Variants in PREX1 observed in about 807,000 individuals in gnomAD.
The protein encoded by PREX1 is phosphatidylinositol-3,4,5-trisphosphate dependent Rac exchange factor 1.
Under a neutral mutation model 198.3 loss-of-function variants are expected in PREX1, and 41 were observed. That is an observed-to-expected ratio of 0.21 (90% confidence interval 0.16 to 0.27). PREX1 has a LOEUF of 0.27. PREX1 is among the 10% of genes least tolerant of loss of function. The probability of loss-of-function intolerance (pLI) is 1.00; values close to 1 mark genes in which losing one functional copy is unlikely to be tolerated. For synonymous variants in PREX1, 843 were observed against 887.2 expected (o/e 0.95, Z 0.89); for missense variants, 1,620 against 2,200.7 (o/e 0.74, Z 5.28).
intron 1 of PREX1, among the ~76,000 whole-genome samples, chr20:48,786,669 C>T (rs1160166356): frequency 2.6e-5 from 4 of 151,110 alleles, no homozygotes; most frequent in South Asian, 2.1e-4. Context: ...CGCTTGAACC[C>T]GGGAGGCAGA....
At chr20:48,689,765 T>C (rs2089807188) in intron 9 of PREX1, among the ~76,000 whole-genome samples, 1 of 152,176 alleles carries the variant, frequency 6.6e-6, no homozygotes. Flanking sequence ...TTAATAAATG[T>C]TGGTGCAACG....
At position 48,640,376 on chromosome 20, in the gene PREX1, C is replaced by T. The variant is rs1241709351; in HGVS notation, c.3776-482G>A. 3.3e-5 allele frequency among the ~76,000 whole-genome samples: 5 copies of T among 152,330 alleles called. No homozygotes were observed. The East Asian group carries it at 9.6e-4, about 29-fold the overall frequency. The stretch of plus-strand genomic sequence containing the variant: ...CAACTGGGCAGTGACAGCGCTGGGA[C>T]TTACCTCTGGCCCCACCATTCAGAG... On this transcript the variant is annotated intron_variant, in intron 29 of 39. Coordinates refer to ENST00000371941, the MANE Select transcript of PREX1 (RefSeq NM_020820.4).
chr20:48,819,875 A>G (rs1187668212), intron 1 of PREX1, among the ~76,000 whole-genome samples: 1 of 152,192 alleles, frequency 6.6e-6, no homozygotes, highest in Admixed American at 6.5e-5. Context: ...TAGTGGATGA[A>G]AGCATCAACT....
chr20:48,642,402 C>A lies in PREX1; in HGVS notation c.3684+5G>T, dbSNP rs750970031. 1.2e-6 allele frequency: 2 copies of A among 1,612,654 alleles called. No individual in the cohort carries two copies. The highest frequency in any genetic ancestry group is 1.7e-6 in the Non-Finnish European group (2 of 1,178,996). On this transcript the variant is annotated splice_donor_5th_base_variant and intron_variant, in intron 28 of 39. Transcript: ENST00000371941. Reference sequence around the variant, plus strand: ...GTTGCGCCAGGAGTGGGGCAAAGGTCCTACCTGGTTAAAGAGGTGCTCCAG... The same window carrying A: ...GTTGCGCCAGGAGTGGGGCAAAGGTACTACCTGGTTAAAGAGGTGCTCCAG...
intron 3 of PREX1, among the ~76,000 whole-genome samples, chr20:48,737,909 C>A (rs915867651): frequency 6.6e-6 from 1 of 152,182 alleles, no homozygotes; most frequent in Non-Finnish European, 1.5e-5. Flanking sequence ...TGCCTGAAGC[C>A]AACCTACACT....
chr20:48,652,654 G>T lies in PREX1; in HGVS notation c.2399C>A (p.Ala800Asp). The T allele has an allele frequency of 6.2e-7, 1 of 1,613,662 alleles. No individual in the cohort carries two copies. The highest frequency in any genetic ancestry group is 1.1e-5 in the South Asian group (1 of 91,024). ...GTCCTCAGTGGAGGCCTCCTGACTG[G>T]CTCGTGCTTCCTGGGCATCCTCATG... The part of the protein sequence containing the change: ...HTHEDAQEAR[A>D]SQEASTEDPS... The change falls in exon 21 of 40, where the codon GCC (alanine) becomes GAC (aspartate). Residue 800 changes from alanine (A) to aspartate (D), a missense_variant. Coordinates refer to ENST00000371941, the MANE Select transcript of PREX1 (RefSeq NM_020820.4).
chr20:48,884,493 A>G, the PREX1 span, among the ~76,000 whole-genome samples: 187 of 152,378 alleles, frequency 1.2e-3, 1 homozygote, highest in African/African-American at 4.3e-3. Context: ...CCTTCATCAC[A>G]TCATATGCAA....
At chr20:48,806,485 T>C (rs557672278) in intron 1 of PREX1, among the ~76,000 whole-genome samples, 1 of 152,330 alleles carries the variant, frequency 6.6e-6, no homozygotes, top group African/African-American at 2.4e-5. Context: ...GCTAACATAA[T>C]TAAGCATTTA....
At chr20:48,835,446 C>T in the PREX1 span, among the ~76,000 whole-genome samples, 13 of 152,196 alleles carry the variant, frequency 8.5e-5, no homozygotes, top group African/African-American at 2.9e-4. Flanking sequence ...GTAAGAGTTA[C>T]GGAGAAAAAC....
rs2089481664 is a variant in PREX1 at position 48,650,120 on chromosome 20, G to A, written c.2904C>T (p.Cys968=). The A allele has an allele frequency of 6.2e-7, 1 of 1,614,046 alleles. No individual in the cohort carries two copies. The highest frequency in any genetic ancestry group is 1.3e-5 in the African/African-American group (1 of 75,064). Residue 968 remains cysteine (C), a synonymous_variant, in exon 24 of 40, where the codon TGC becomes TGT. Coordinates refer to ENST00000371941, the MANE Select transcript of PREX1 (RefSeq NM_020820.4). ...TGAGGTTGATGTGGCAATTGGTGGGGCAGAAGTCCAGGCCACACAGCGGGT... is the reference window on the plus strand; with the variant it reads ...TGAGGTTGATGTGGCAATTGGTGGGACAGAAGTCCAGGCCACACAGCGGGT... ...EPHPLCGLDF[C]PTNCHINLME... is the part of the protein sequence containing the mutation.
intron 14 of PREX1, among the ~76,000 whole-genome samples, chr20:48,672,001 G>C (rs1356370403): frequency 2.0e-5 from 3 of 152,238 alleles, no homozygotes; most frequent in Non-Finnish European, 4.4e-5. Flanking sequence ...GCTCAGGACA[G>C]AGTGACAGTG....
At chr20:48,867,810 C>CAAAT in the PREX1 span, among the ~76,000 whole-genome samples, 2 of 151,330 alleles carry the variant, frequency 1.3e-5, no homozygotes, top group African/African-American at 2.4e-5. Context: ...AACAAACAAA[C>CAAAT]AAATAAATAA....
intron 1 of PREX1, among the ~76,000 whole-genome samples, chr20:48,818,677 A>G (rs968654821): frequency 6.6e-6 from 1 of 152,242 alleles, no homozygotes; most frequent in African/African-American, 2.4e-5. Flanking sequence ...GGTGAGAGCT[A>G]ATAGACAGTA....
chr20:48,749,854 G>A (rs1226339941), intron 1 of PREX1, among the ~76,000 whole-genome samples: 1 of 151,938 alleles, frequency 6.6e-6, no homozygotes, highest in African/African-American at 2.4e-5. Flanking sequence ...GCCAAGGTCT[G>A]ATTTTTTATT....
chr20:48,686,592 G>A (rs904450137), intron 10 of PREX1, among the ~76,000 whole-genome samples: 1 of 152,246 alleles, frequency 6.6e-6, no homozygotes, highest in South Asian at 2.1e-4. Flanking sequence ...GGCCCCTCCT[G>A]AGAGAAAAAC....
chr20:48,632,661 G>T, intron 33 of PREX1, 22 bp from the exon 34 acceptor site: 1 of 1,612,668 alleles, frequency 6.2e-7, no homozygotes, highest in Non-Finnish European at 8.5e-7. Flanking sequence ...TATGGGGCAG[G>T]ATGACTCACC....
chr20:48,737,939 A>G (rs1271932030), intron 3 of PREX1, among the ~76,000 whole-genome samples: 1 of 152,232 alleles, frequency 6.6e-6, no homozygotes, highest in Non-Finnish European at 1.5e-5. Flanking sequence ...TTTCACTGAC[A>G]TGCATCAGTA....
intron 1 of PREX1, among the ~76,000 whole-genome samples, chr20:48,755,392 A>T (rs1258725415): frequency 6.6e-6 from 1 of 152,228 alleles, no homozygotes; most frequent in African/African-American, 2.4e-5. Context: ...CAGATTTAAA[A>T]ATAAGGACTG....
intron 1 of PREX1, among the ~76,000 whole-genome samples, chr20:48,760,751 C>A (rs1272504117): frequency 6.6e-6 from 1 of 152,058 alleles, no homozygotes; most frequent in South Asian, 2.1e-4. Context: ...CAGGGCCTGC[C>A]GTGCACCAGG....
Sources: allele counts gnomAD v4.1 joint callset (sites outside exome capture counted in the v4.1 genomes callset), GRCh38; gene constraint gnomAD v4.1.1; transcripts MANE v1.5; gene names NCBI Gene and HGNC (gene_info 2026-07-23, HGNC 2026-07-21).